TNR: variants seen among roughly 807,000 people sequenced by gnomAD.
The protein encoded by TNR is tenascin-R.
A neutral mutation model predicts 150.4 loss-of-function variants in TNR; 45 were observed. The ratio of observed to expected loss-of-function variants is 0.30; its 90% confidence interval spans 0.24 to 0.38. The LOEUF (loss-of-function observed/expected upper bound fraction) is 0.38. Ranked by LOEUF, TNR falls within the 10% of genes least tolerant of loss-of-function variation. The pLI, the probability that TNR is intolerant of heterozygous loss-of-function variation, is 1.00. For missense variants in TNR, 1,544 were observed against 1,759.1 expected (o/e 0.88, Z 2.19); for synonymous variants, 687 against 678.4 (o/e 1.01, Z -0.20).
intron 1 of TNR, among the ~76,000 whole-genome samples, chr1:175,634,424 T>C (rs993779766): frequency 1.3e-5 from 2 of 152,228 alleles, no homozygotes; most frequent in Non-Finnish European, 2.9e-5. Flanking sequence ...ATTCTGCTGA[T>C]GGGCCTTTAT....
intron 20 of TNR, among the ~76,000 whole-genome samples, chr1:175,331,078 C>CTTTCTTTCCTTCCTTCT (rs57439733): frequency 1.7e-5 from 1 of 59,916 alleles, no homozygotes; most frequent in African/African-American, 6.3e-5. Context: ...TCTTTCTTTC[C>CTTTCTTTCCTTCCTTCT]TTCTTTCTTT....
chr1:175,518,770 G>A (rs570017493), intron 2 of TNR, among the ~76,000 whole-genome samples: 20 of 151,614 alleles, frequency 1.3e-4, no homozygotes, highest in African/African-American at 3.6e-4. Context: ...CTCCCTTATC[G>A]CCCCCTCTAC....
At chr1:175,563,458 CAAAGGGTATT>C in intron 1 of TNR, among the ~76,000 whole-genome samples, 1 of 152,174 alleles carries the variant, frequency 6.6e-6, no homozygotes, top group Admixed American at 6.5e-5. Flanking sequence ...AACAGCCTAT[CAAAGGGTATT>C]AAAAGACACA....
intron 1 of TNR, among the ~76,000 whole-genome samples, chr1:175,596,086 G>T (rs6698920): frequency 0.01 from 1,563 of 152,200 alleles, 25 homozygotes; most frequent in African/African-American, 0.036. Flanking sequence ...ATTCACACTC[G>T]TTTAGGGCAA....
Position 175,320,502 on chromosome 1 carries a change from GT to G in TNR, c.*2854del, listed in dbSNP as rs1648979325. 1.3e-5 allele frequency: 2 copies of G among 152,270 alleles called. No homozygotes were observed. The highest frequency in any genetic ancestry group is 4.8e-5 in the African/African-American group (2 of 41,556). The allele number at this position is 152,270 out of a possible 1,614,324, so 9.4% of individuals were successfully genotyped here. A position where few individuals can be genotyped will look rare whatever the true frequency, so the allele number is the denominator to read the frequency against. Reference sequence around the variant, plus strand: ...TAAAAATGTTCCATAGTGTAGAATGGTTTCAATAAAAGGAAGATTTTTGTTT... The same window carrying G: ...TAAAAATGTTCCATAGTGTAGAATGGTTCAATAAAAGGAAGATTTTTGTTT... On this transcript the variant is annotated 3_prime_UTR_variant, in exon 23 of 23. Coordinates refer to ENST00000367674, the MANE Select transcript of TNR (RefSeq NM_003285.3).
At chr1:175,531,486 G>A (rs859366) in intron 1 of TNR, among the ~76,000 whole-genome samples, 7,293 of 152,188 alleles carry the variant, frequency 0.048, 625 homozygotes, top group African/African-American at 0.17. Context: ...AAAACCACTG[G>A]CTTAGACAAA....
chr1:175,398,936 TA>T (rs1653567711), intron 4 of TNR, among the ~76,000 whole-genome samples: 1 of 152,210 alleles, frequency 6.6e-6, no homozygotes, highest in Non-Finnish European at 1.5e-5. Context: ...AATCCCAGGT[TA>T]AGGGATGTGC....
At chr1:175,502,595 C>T (rs1197098196) in intron 2 of TNR, among the ~76,000 whole-genome samples, 1 of 152,168 alleles carries the variant, frequency 6.6e-6, no homozygotes, top group East Asian at 1.9e-4. Context: ...TCCTCACCTT[C>T]TTAGAGGCCC....
Position 175,352,631 on chromosome 1 carries a change from A to T in TNR, c.3382+1760T>A, listed in dbSNP as rs112494280. ...AATTGACTCCAGCCCCATAAAAGAGATCAAGTGTCTTCTAAGTTCCACTTG... is the reference window on the plus strand; with the variant it reads ...AATTGACTCCAGCCCCATAAAAGAGTTCAAGTGTCTTCTAAGTTCCACTTG... On this transcript the variant is annotated intron_variant, in intron 18 of 22. Transcript: ENST00000367674. Among the ~76,000 whole-genome samples the T allele has an allele frequency of 8.0e-3, 1,223 of 152,270 alleles. 16 individuals are homozygous for T. The highest frequency in any genetic ancestry group is 0.026 in the African/African-American group (1,077 of 41,554).
chr1:175,732,359 T>C (rs1348041441), intron 1 of TNR, among the ~76,000 whole-genome samples: 8 of 152,222 alleles, frequency 5.3e-5, no homozygotes, highest in African/African-American at 1.7e-4. Context: ...ATGAGGCTTT[T>C]GTGGATAGAT....
At chr1:175,325,271 T>C (rs1482144987) in intron 21 of TNR, among the ~76,000 whole-genome samples, 1 of 152,194 alleles carries the variant, frequency 6.6e-6, no homozygotes, top group East Asian at 1.9e-4. Flanking sequence ...TAAAAAATGC[T>C]CATCATCACT....
chr1:175,728,425 C>A (rs1392990058), intron 1 of TNR, among the ~76,000 whole-genome samples: 1 of 152,176 alleles, frequency 6.6e-6, no homozygotes, highest in Non-Finnish European at 1.5e-5. Context: ...GGTCCTAACG[C>A]CTGCTCTTCT....
chr1:175,401,933 A>G (rs1472356603), intron 4 of TNR, among the ~76,000 whole-genome samples: 1 of 152,264 alleles, frequency 6.6e-6, no homozygotes. Context: ...AAACATAAAC[A>G]AATGTATGAG....
chr1:175,646,472 T>C (rs1181136833), intron 1 of TNR, among the ~76,000 whole-genome samples: 1 of 152,224 alleles, frequency 6.6e-6, no homozygotes, highest in Non-Finnish European at 1.5e-5. Context: ...AGCTTTACCA[T>C]TAGAGACTCC....
chr1:175,385,150 C>T (rs1372501357), intron 8 of TNR, among the ~76,000 whole-genome samples: 1 of 152,140 alleles, frequency 6.6e-6, no homozygotes, highest in African/African-American at 2.4e-5. Flanking sequence ...TGTGACCACC[C>T]CAAGGCAAAG....
At chr1:175,698,718 G>A (rs1463053699) in intron 1 of TNR, among the ~76,000 whole-genome samples, 1 of 152,018 alleles carries the variant, frequency 6.6e-6, no homozygotes, top group African/African-American at 2.4e-5. Flanking sequence ...GCAGGCACCA[G>A]TAATCCCTCA....
intron 1 of TNR, among the ~76,000 whole-genome samples, chr1:175,568,119 C>A (rs1024480497): frequency 5.3e-5 from 8 of 152,200 alleles, no homozygotes. Flanking sequence ...CAAGCCCAAG[C>A]CTCTGTGGTC....
At chr1:175,409,764 A>G (rs1654126894) in intron 2 of TNR, among the ~76,000 whole-genome samples, 1 of 140,176 alleles carries the variant, frequency 7.1e-6, no homozygotes, top group South Asian at 2.2e-4. Flanking sequence ...GGGTACATTT[A>G]TTCATTTATC....
intron 1 of TNR, among the ~76,000 whole-genome samples, chr1:175,658,076 G>C (rs1665246844): frequency 6.6e-6 from 1 of 151,668 alleles, no homozygotes; most frequent in Non-Finnish European, 1.5e-5. Context: ...CAAGCCCCAG[G>C]GGCCCTCAGC....
Sources: allele counts gnomAD v4.1 joint callset (sites outside exome capture counted in the v4.1 genomes callset), GRCh38; gene constraint gnomAD v4.1.1; transcripts MANE v1.5; gene names NCBI Gene and HGNC (gene_info 2026-07-23, HGNC 2026-07-21).